The following TENM2 variants were observed in gnomAD, a reference collection of about 807,000 sequenced individuals.
The protein encoded by TENM2 is teneurin transmembrane protein 2.
A neutral mutation model predicts 245.2 loss-of-function variants in TENM2; 52 were observed. The ratio of observed to expected loss-of-function variants is 0.21; its 90% CI spans 0.17 to 0.27. The LOEUF is 0.27. TENM2 is among the 10% of genes least tolerant of loss of function. The pLI, the probability that TENM2 is intolerant of heterozygous loss-of-function variation, is 1.00. For missense variants in TENM2, 3,046 were observed against 3,666.8 expected, an observed-to-expected ratio of 0.83 and a Z score of 4.37; for synonymous variants, 1,363 against 1,438.9, an observed-to-expected ratio of 0.95 and a Z score of 1.19.
chr5:167,091,978 C>T, the TENM2 span, among the ~76,000 whole-genome samples: 1 of 152,106 alleles, frequency 6.6e-6, no homozygotes, highest in Admixed American at 6.6e-5. Flanking sequence ...TATTGTCTAT[C>T]GGCATGTCAT....
At chr5:167,824,871 G>A (rs1285683119) in intron 2 of TENM2, among the ~76,000 whole-genome samples, 2 of 152,162 alleles carry the variant, frequency 1.3e-5, no homozygotes, top group Admixed American at 6.5e-5. Flanking sequence ...CCAAACTAAC[G>A]CCATGTGCAT....
At chr5:167,960,242 C>T (rs1780897215) in intron 4 of TENM2, among the ~76,000 whole-genome samples, 1 of 152,238 alleles carries the variant, frequency 6.6e-6, no homozygotes, top group Non-Finnish European at 1.5e-5. Context: ...ATCCGCTGCT[C>T]TCTTCAGAGC....
intron 12 of TENM2, among the ~76,000 whole-genome samples, chr5:168,161,815 T>TACACAC (rs1159718949): frequency 1.2e-5 from 1 of 80,614 alleles, no homozygotes; most frequent in African/African-American, 8.1e-5. Context: ...TGAGCGCATG[T>TACACAC]ATACACACAC....
chr5:167,687,074 T>C (rs1445753519), intron 2 of TENM2, among the ~76,000 whole-genome samples: 2 of 152,190 alleles, frequency 1.3e-5, no homozygotes, highest in Non-Finnish European at 2.9e-5. Flanking sequence ...GGGGAAGTTA[T>C]ATCTCTGCCT....
At chr5:167,793,375 A>T (rs1298370610) in intron 2 of TENM2, among the ~76,000 whole-genome samples, 1 of 152,218 alleles carries the variant, frequency 6.6e-6, no homozygotes, top group East Asian at 1.9e-4. Context: ...GACAATTATT[A>T]TATAGCCATA....
intron 2 of TENM2, among the ~76,000 whole-genome samples, chr5:167,598,193 A>T (rs1776356162): frequency 6.6e-6 from 1 of 152,196 alleles, no homozygotes; most frequent in South Asian, 2.1e-4. Flanking sequence ...TTAATTGTGT[A>T]TATTAGAGGA....
chr5:167,166,574 G>A, the TENM2 span, among the ~76,000 whole-genome samples: 1 of 152,080 alleles, frequency 6.6e-6, no homozygotes, highest in Non-Finnish European at 1.5e-5. Flanking sequence ...CCTAGTTTAA[G>A]TTCCAAATGT....
the TENM2 span, among the ~76,000 whole-genome samples, chr5:167,026,152 A>G: frequency 6.6e-6 from 1 of 152,200 alleles, no homozygotes; most frequent in Admixed American, 6.5e-5. Context: ...TGAGTCAGTA[A>G]CTGCACACTG....
intron 2 of TENM2, among the ~76,000 whole-genome samples, chr5:167,585,703 T>C (rs1775440920): frequency 6.6e-6 from 1 of 152,130 alleles, no homozygotes; most frequent in African/African-American, 2.4e-5. Context: ...GTTATTTATA[T>C]AATAATAGAA....
At chr5:167,851,404 C>A (rs112837292) in intron 2 of TENM2, among the ~76,000 whole-genome samples, 13 of 152,136 alleles carry the variant, frequency 8.5e-5, no homozygotes, top group Admixed American at 5.9e-4. Context: ...ATCATAATCA[C>A]CAAGGATTTT....
intron 11 of TENM2, 83 bp from the exon 14 acceptor site, chr5:168,126,671 G>T: frequency 8.4e-7 from 1 of 1,194,668 alleles, no homozygotes; most frequent in Non-Finnish European, 1.2e-6. Flanking sequence ...TGCTCCAGGG[G>T]TCTGGGCCAT....
At chr5:167,174,874 CTTT>C in the TENM2 span, among the ~76,000 whole-genome samples, 2 of 142,610 alleles carry the variant, frequency 1.4e-5, no homozygotes, top group East Asian at 2.0e-4. Context: ...ATATATTCAA[CTTT>C]TTTTTTTTTT....
At chr5:167,366,344 G>T (rs1340632963) in intron 1 of TENM2, among the ~76,000 whole-genome samples, 1 of 151,956 alleles carries the variant, frequency 6.6e-6, no homozygotes, top group Non-Finnish European at 1.5e-5. Context: ...TGACAAAATA[G>T]AAAATAGTAA....
At chr5:167,068,927 T>C in the TENM2 span, among the ~76,000 whole-genome samples, 3 of 152,230 alleles carry the variant, frequency 2.0e-5, no homozygotes, top group South Asian at 6.2e-4. Flanking sequence ...AAAACAGTTA[T>C]ATGAACAGTA....
chr5:167,071,880 C>G, the TENM2 span, among the ~76,000 whole-genome samples: 2 of 134,502 alleles, frequency 1.5e-5, no homozygotes, highest in South Asian at 2.8e-4. Context: ...GACAAATCGC[C>G]CCCCCCCGCC....
At chr5:167,900,173 C>G (rs1775592420) in intron 3 of TENM2, among the ~76,000 whole-genome samples, 1 of 138,302 alleles carries the variant, frequency 7.2e-6, no homozygotes, top group South Asian at 2.5e-4. Context: ...TGATATCTTT[C>G]TCCGGAAACA....
chr5:167,223,756 A>T, the TENM2 span, among the ~76,000 whole-genome samples: 34 of 152,108 alleles, frequency 2.2e-4, no homozygotes, highest in Non-Finnish European at 2.1e-4. Context: ...GTTTTTTGAG[A>T]AATCTCCATA....
chr5:167,270,852 C>T, the TENM2 span, among the ~76,000 whole-genome samples: 2 of 152,014 alleles, frequency 1.3e-5, no homozygotes, highest in Non-Finnish European at 2.9e-5. Flanking sequence ...CTGGAATTAA[C>T]AACTCACTTA....
intron 2 of TENM2, among the ~76,000 whole-genome samples, chr5:167,523,481 A>G (rs1161209736): frequency 6.6e-6 from 1 of 152,108 alleles, no homozygotes; most frequent in Non-Finnish European, 1.5e-5. Flanking sequence ...CCAACGTCAA[A>G]TATCAGGGGA....
Sources: allele counts gnomAD v4.1 joint callset (sites outside exome capture counted in the v4.1 genomes callset), GRCh38; gene constraint gnomAD v4.1.1; transcripts MANE v1.5; gene names NCBI Gene and HGNC (gene_info 2026-07-23, HGNC 2026-07-21).